The following FSTL4 variants were observed in gnomAD, a reference collection of about 807,000 sequenced individuals.
FSTL4 encodes the protein follistatin like 4.
Under a neutral mutation model 78.2 loss-of-function variants are expected in FSTL4, and 28 were observed. The ratio of observed to expected loss-of-function variants is 0.36; its 90% confidence interval spans 0.27 to 0.49. FSTL4 has a LOEUF of 0.49. Ranked by LOEUF, FSTL4 falls within the 20% of genes least tolerant of loss-of-function variation. FSTL4 has a pLI of 0.98. For missense variants in FSTL4, 922 were observed against 1,084.9 expected, an observed-to-expected ratio of 0.85 and a Z score of 2.11; for synonymous variants, 422 against 440.5, an observed-to-expected ratio of 0.96 and a Z score of 0.53.
the FSTL4 span, among the ~76,000 whole-genome samples, chr5:133,676,776 G>T: frequency 6.6e-6 from 1 of 152,276 alleles, no homozygotes; most frequent in Admixed American, 6.5e-5. Flanking sequence ...TGTTATAATG[G>T]AAATTTCTTA....
At chr5:133,567,141 A>G in intron 3 of FSTL4, 45 bp downstream of exon 3, 1 of 1,403,556 alleles carries the variant, frequency 7.1e-7, no homozygotes, top group Admixed American at 1.7e-5. Context: ...TACTTCAAAA[A>G]TGTCAACACT....
chr5:133,400,147 A>G (rs1756183276), intron 4 of FSTL4, among the ~76,000 whole-genome samples: 1 of 152,180 alleles, frequency 6.6e-6, no homozygotes, highest in South Asian at 2.1e-4. Context: ...TTCTGACTCA[A>G]TCTCAGCCTA....
chr5:133,700,368 C>G, the FSTL4 span, among the ~76,000 whole-genome samples: 1 of 151,804 alleles, frequency 6.6e-6, no homozygotes, highest in Non-Finnish European at 1.5e-5. Flanking sequence ...AAGCACCACA[C>G]CAAACCACCA....
the FSTL4 span, among the ~76,000 whole-genome samples, chr5:133,657,002 G>A: frequency 2.0e-5 from 3 of 152,182 alleles, no homozygotes; most frequent in Non-Finnish European, 4.4e-5. Flanking sequence ...AAAGACAAGA[G>A]TCATTGACTA....
chr5:133,276,386 C>T (rs1752885114), intron 6 of FSTL4, among the ~76,000 whole-genome samples: 1 of 152,210 alleles, frequency 6.6e-6, no homozygotes, highest in Admixed American at 6.5e-5. Flanking sequence ...TCTGTCCCGC[C>T]CTGGCCTCCC....
At chr5:133,521,090 G>A (rs1052382668) in intron 3 of FSTL4, among the ~76,000 whole-genome samples, 1 of 152,058 alleles carries the variant, frequency 6.6e-6, no homozygotes, top group Non-Finnish European at 1.5e-5. Flanking sequence ...GGGCAAGCAT[G>A]TCCTGAGCTT....
the FSTL4 span, among the ~76,000 whole-genome samples, chr5:133,760,038 T>A: frequency 6.6e-6 from 1 of 152,220 alleles, no homozygotes; most frequent in Non-Finnish European, 1.5e-5. Context: ...CTTCCCTGGT[T>A]CTTGCAGACA....
chr5:133,304,297 A>T (rs1016630134), intron 6 of FSTL4, among the ~76,000 whole-genome samples: 1 of 152,168 alleles, frequency 6.6e-6, no homozygotes, highest in African/African-American at 2.4e-5. Flanking sequence ...ATTTACTAAC[A>T]TTCAGAGAGC....
chr5:133,462,039 G>A (rs1480697284), intron 3 of FSTL4, among the ~76,000 whole-genome samples: 1 of 152,166 alleles, frequency 6.6e-6, no homozygotes, highest in East Asian at 1.9e-4. Flanking sequence ...CAGCAAGTGG[G>A]GGCCATCTGC....
At chr5:133,768,179 T>C in the FSTL4 span, among the ~76,000 whole-genome samples, 1 of 152,280 alleles carries the variant, frequency 6.6e-6, no homozygotes, top group East Asian at 1.9e-4. Flanking sequence ...ACCAGCACCA[T>C]CTCTCCATCC....
At chr5:133,273,482 G>A (rs1187829343) in intron 6 of FSTL4, among the ~76,000 whole-genome samples, 1 of 152,162 alleles carries the variant, frequency 6.6e-6, no homozygotes, top group African/African-American at 2.4e-5. Flanking sequence ...GGCTTACCTG[G>A]GCCTGTGGCT....
the FSTL4 span, among the ~76,000 whole-genome samples, chr5:133,829,873 A>C: frequency 8.5e-5 from 13 of 152,118 alleles, no homozygotes; most frequent in Admixed American, 2.0e-4. Flanking sequence ...TCACAGCCAT[A>C]GTCCCTCTGC....
chr5:133,793,845 T>C, the FSTL4 span, among the ~76,000 whole-genome samples: 1 of 152,248 alleles, frequency 6.6e-6, no homozygotes, highest in African/African-American at 2.4e-5. Context: ...TCCAGCTCTG[T>C]ATTCAGGTTT....
At chr5:133,776,314 A>G in the FSTL4 span, among the ~76,000 whole-genome samples, 5 of 152,194 alleles carry the variant, frequency 3.3e-5, no homozygotes, top group Non-Finnish European at 5.9e-5. Flanking sequence ...TTAGTTTACA[A>G]TAATAGCTTA....
At chr5:133,301,987 C>T (rs551527787) in intron 6 of FSTL4, among the ~76,000 whole-genome samples, 44 of 152,060 alleles carry the variant, frequency 2.9e-4, no homozygotes, top group Admixed American at 1.3e-4. Context: ...TTTGGATTCA[C>T]CGGGAAGTCT....
intron 6 of FSTL4, among the ~76,000 whole-genome samples, chr5:133,251,640 C>T (rs146267131): frequency 1.6e-3 from 249 of 152,234 alleles, no homozygotes; most frequent in African/African-American, 5.6e-3. Flanking sequence ...GATTTGCAAC[C>T]GGTCTCCCAT....
the FSTL4 span, among the ~76,000 whole-genome samples, chr5:133,690,186 A>G: frequency 1.6e-4 from 25 of 152,216 alleles, no homozygotes; most frequent in East Asian, 4.6e-3. Context: ...GAACATGCCT[A>G]TCTCCTCTCT....
chr5:133,692,881 A>T, the FSTL4 span, among the ~76,000 whole-genome samples: 1 of 152,218 alleles, frequency 6.6e-6, no homozygotes, highest in African/African-American at 2.4e-5. Flanking sequence ...CCATTAGGTC[A>T]GGTCCACTGC....
At chr5:133,421,368 A>G (rs575315480) in intron 3 of FSTL4, among the ~76,000 whole-genome samples, 1 of 152,326 alleles carries the variant, frequency 6.6e-6, no homozygotes, top group East Asian at 1.9e-4. Context: ...CTGAGGCTCT[A>G]CATTTGCCTT....
Sources: allele counts gnomAD v4.1 joint callset (sites outside exome capture counted in the v4.1 genomes callset), GRCh38; gene constraint gnomAD v4.1.1; transcripts MANE v1.5; gene names NCBI Gene and HGNC (gene_info 2026-07-23, HGNC 2026-07-21).